The following CEP85L variants were observed in gnomAD, a reference collection of about 807,000 sequenced individuals.
CEP85L encodes the protein centrosomal protein of 85 kDa-like.
In CEP85L, 60 loss-of-function variants were observed where a neutral mutation model predicts 100.3. That is an observed-to-expected ratio of 0.60 (90% CI 0.49 to 0.74). CEP85L has a LOEUF of 0.74. Among genes scored for constraint, CEP85L ranks in the 30% least tolerant of loss-of-function variants. CEP85L has a pLI of 0.00. For missense variants in CEP85L, 973 were observed against 936.2 expected (o/e 1.04, Z -0.51); for synonymous variants, 319 against 322.7 (o/e 0.99, Z 0.12).
Position 118,470,535 on chromosome 6 carries a change from A to C in CEP85L, c.2022+2T>G. ...AAGCAAAATTGAATTTCTTCTACTC[A>C]CTTCAAGCAATGCTTTTGTTAATCT... On this transcript the variant is annotated splice_donor_variant, in intron 11 of 12. Transcript: ENST00000368491. LOFTEE classifies it high-confidence loss of function. The C allele has an allele frequency of 6.4e-7, 1 of 1,554,520 alleles. No individual in the cohort carries two copies. The highest frequency in any genetic ancestry group is 8.7e-7 in the Non-Finnish European group (1 of 1,145,340).
At chr6:118,488,760 G>C (rs145417254) in intron 6 of CEP85L, among the ~76,000 whole-genome samples, 2,175 of 152,246 alleles carry the variant, frequency 0.014, 34 homozygotes, top group Middle Eastern at 0.048. Context: ...CAAAGACACA[G>C]TTAAATCAAA....
Position 118,558,963 on chromosome 6 carries a change from A to G in CEP85L, c.1020+6566T>C. 6.2e-7 allele frequency: 1 copy of G among 1,613,550 alleles called. No individual in the cohort carries two copies. The highest frequency in any genetic ancestry group is 8.5e-7 in the Non-Finnish European group (1 of 1,179,472). The stretch of plus-strand genomic sequence containing the variant: ...ACCTCACTCGCTCAGCTATAAGAAG[A>G]GCCTCAACCATTGAAATGCCTCAAC... On this transcript the variant is annotated intron_variant, in intron 3 of 12. Transcript: ENST00000368491.
chr6:118,534,953 G>A (rs1415187138), intron 3 of CEP85L, among the ~76,000 whole-genome samples: 1 of 152,120 alleles, frequency 6.6e-6, no homozygotes, highest in African/African-American at 2.4e-5. Flanking sequence ...CTGGGAGGCA[G>A]AAGTTGCAGT....
chr6:118,670,301 G>A (rs1294924466), intron 1 of CEP85L, among the ~76,000 whole-genome samples: 1 of 151,772 alleles, frequency 6.6e-6, no homozygotes, highest in Non-Finnish European at 1.5e-5. Flanking sequence ...TGTCATGGGG[G>A]TTTGGAGTAA....
chr6:118,489,957 A>G (rs1774439836), intron 6 of CEP85L, among the ~76,000 whole-genome samples: 1 of 150,796 alleles, frequency 6.6e-6, no homozygotes, highest in African/African-American at 2.5e-5. Flanking sequence ...ACACATGCAC[A>G]CACACACATA....
chr6:118,554,786 T>A (rs549629510), intron 3 of CEP85L, among the ~76,000 whole-genome samples: 10 of 152,316 alleles, frequency 6.6e-5, no homozygotes, highest in Admixed American at 5.9e-4. Flanking sequence ...GAAGCTTGCA[T>A]GGCAGACAAT....
chr6:118,565,401 C>T, intron 3 of CEP85L, 128 bp downstream of exon 3: 1 of 877,448 alleles, frequency 1.1e-6, no homozygotes, highest in Admixed American at 2.5e-5. Context: ...AACATTTCTG[C>T]CTATTAACTT....
chr6:118,600,370 T>TGTGTGCGTGG (rs58066356), intron 2 of CEP85L, among the ~76,000 whole-genome samples: 5 of 86,368 alleles, frequency 5.8e-5, no homozygotes, highest in Admixed American at 1.1e-4. Context: ...TGTGTGTGTG[T>TGTGTGCGTGG]AACGCCATGG....
intron 2 of CEP85L, among the ~76,000 whole-genome samples, chr6:118,575,605 C>T (rs1457253673): frequency 6.6e-6 from 1 of 152,114 alleles, no homozygotes; most frequent in African/African-American, 2.4e-5. Context: ...AAATTAGGAG[C>T]TGAAGAAAAC....
At chr6:118,501,859 C>A (rs931480902) in intron 5 of CEP85L, 3 of 1,299,034 alleles carry the variant, frequency 2.3e-6, no homozygotes, top group African/African-American at 3.0e-5. Flanking sequence ...AAGCACAAGC[C>A]TTCAAGAGTC....
chr6:118,609,767 AT>A (rs1349894488), intron 2 of CEP85L, among the ~76,000 whole-genome samples: 1 of 152,176 alleles, frequency 6.6e-6, no homozygotes, highest in Non-Finnish European at 1.5e-5. Flanking sequence ...CAAAACCAGG[AT>A]TGAAAAAAAA....
intron 1 of CEP85L, among the ~76,000 whole-genome samples, chr6:118,703,305 A>G (rs1777485593): frequency 6.6e-6 from 1 of 152,176 alleles, no homozygotes; most frequent in African/African-American, 2.4e-5. Flanking sequence ...TGCAGTAATA[A>G]ATAACTGATA....
chr6:118,484,436 G>T (rs1357405193), intron 6 of CEP85L, among the ~76,000 whole-genome samples: 1 of 152,154 alleles, frequency 6.6e-6, no homozygotes, highest in Non-Finnish European at 1.5e-5. Flanking sequence ...CATCAACCAG[G>T]GGGCAGTAAT....
chr6:118,544,486 A>G (rs973621779), intron 3 of CEP85L, among the ~76,000 whole-genome samples: 4 of 152,134 alleles, frequency 2.6e-5, no homozygotes, highest in African/African-American at 9.7e-5. Context: ...TATTATTTGT[A>G]TACTGATAAA....
intron 2 of CEP85L, among the ~76,000 whole-genome samples, chr6:118,581,169 A>T (rs886680118): frequency 6.6e-6 from 1 of 152,132 alleles, no homozygotes; most frequent in Non-Finnish European, 1.5e-5. Context: ...TCCATAGCCA[A>T]ATTTTAGTCT....
At chr6:118,695,213 G>C (rs773093576) in intron 1 of CEP85L, among the ~76,000 whole-genome samples, 142 of 152,246 alleles carry the variant, frequency 9.3e-4, no homozygotes, top group Non-Finnish European at 1.8e-3. Flanking sequence ...ATGGAATACT[G>C]TTTCTCCCCT....
intron 1 of CEP85L, among the ~76,000 whole-genome samples, chr6:118,699,279 C>T (rs1156547387): frequency 6.6e-6 from 1 of 151,826 alleles, no homozygotes; most frequent in Admixed American, 6.6e-5. Flanking sequence ...ATAGCAAGAC[C>T]CCCATCTCTA....
At chr6:118,647,404 G>A (rs1040133696) in intron 1 of CEP85L, among the ~76,000 whole-genome samples, 9 of 152,060 alleles carry the variant, frequency 5.9e-5, no homozygotes, top group Non-Finnish European at 1.3e-4. Context: ...TCTGTTGCCC[G>A]GGCTGGAGTG....
intron 1 of CEP85L, among the ~76,000 whole-genome samples, chr6:118,705,118 A>G (rs1460946399): frequency 6.6e-6 from 1 of 152,074 alleles, no homozygotes; most frequent in East Asian, 1.9e-4. Context: ...CCCTGTTGCT[A>G]AGTAACCACA....
Sources: gnomAD v4.1 joint callset for allele counts (sites outside exome capture counted in the v4.1 genomes callset) on GRCh38, gnomAD v4.1.1 for gene constraint, MANE v1.5 for transcripts, NCBI Gene and HGNC (gene_info 2026-07-23, HGNC 2026-07-21) for gene names.